MTA3: variants seen among roughly 807,000 people sequenced by gnomAD.
The protein encoded by MTA3 is metastasis associated 1 family member 3.
MTA3 carries 34 observed loss-of-function variants against 83.5 expected under a neutral mutation model. The observed-to-expected ratio is 0.41, with a 90% CI of 0.31 to 0.54. The LOEUF is 0.54. Ranked by LOEUF, MTA3 falls within the 20% of genes least tolerant of loss-of-function variation. MTA3 has a pLI of 0.33. For missense variants in MTA3, 761 were observed against 726.4 expected, an observed-to-expected ratio of 1.05 and a Z score of -0.55; for synonymous variants, 303 against 252.7, an observed-to-expected ratio of 1.20 and a Z score of -1.89.
intron 2 of MTA3, among the ~76,000 whole-genome samples, chr2:42,522,222 C>T (rs1487924182): frequency 6.6e-6 from 1 of 152,094 alleles, no homozygotes; most frequent in Non-Finnish European, 1.5e-5. Context: ...AACCACCCTC[C>T]GTCCCTGACT....
chr2:42,709,128 G>A (rs1372521481), intron 14 of MTA3, 32 bp downstream of exon 14: 1 of 1,550,326 alleles, frequency 6.5e-7, no homozygotes, highest in African/African-American at 1.4e-5. Flanking sequence ...AACCTTATAT[G>A]TTGTGCTTCT....
chr2:42,754,110 G>GC lies in MTA3; in HGVS notation c.*714dup. ...GTGGTTGGAGAGAAACTGGTGTTCT[G>GC]CCCGGCTCTGCTTGGTCACAGACAG... On this transcript the variant is annotated 3_prime_UTR_variant, in exon 17 of 17. Transcript: ENST00000405094. 1 of 985,432 alleles carries GC rather than the reference G, an allele frequency of 1.0e-6. No individual in the cohort carries two copies. Among genetic ancestry groups the GC allele is most frequent in the Non-Finnish European group, 1.2e-6 (1 of 829,970 alleles). The allele number at this position is 985,432 out of a possible 1,614,324, so 61.0% of individuals were successfully genotyped here.
At chr2:42,587,474 A>AT (rs1251147878) in intron 3 of MTA3, among the ~76,000 whole-genome samples, 1 of 152,216 alleles carries the variant, frequency 6.6e-6, no homozygotes, top group Non-Finnish European at 1.5e-5. Context: ...ATTCTTGTGT[A>AT]TGAAATAAAA....
intron 8 of MTA3, among the ~76,000 whole-genome samples, chr2:42,670,000 C>T (rs908677967): frequency 6.6e-6 from 1 of 152,198 alleles, no homozygotes; most frequent in African/African-American, 2.4e-5. Flanking sequence ...CATGGTGGCT[C>T]ATGCCTGTAA....
chr2:42,555,057 G>A (rs1181976710), intron 2 of MTA3, among the ~76,000 whole-genome samples: 1 of 152,140 alleles, frequency 6.6e-6, no homozygotes, highest in Non-Finnish European at 1.5e-5. Context: ...GTAGGCTGAG[G>A]CAGGAGAGTC....
chr2:42,516,982 C>T lies in MTA3; in HGVS notation c.-141+21728C>T, dbSNP rs568200189. Reference sequence around the variant, plus strand: ...TCTATAAAAAATAAAAAATTTGGCCCGGTGTGGTGGCTCACGCCTGTAAAC... The same window carrying T: ...TCTATAAAAAATAAAAAATTTGGCCTGGTGTGGTGGCTCACGCCTGTAAAC... On this transcript the variant is annotated intron_variant, in intron 2 of 17. Transcript: ENST00000405592. Among the ~76,000 whole-genome samples the T allele has an allele frequency of 8.8e-4, 133 of 151,852 alleles. 2 individuals carry two copies. The highest frequency in any genetic ancestry group is 3.0e-3 in the African/African-American group (126 of 41,484).
rs1411758714 is a variant in MTA3, at chr2:42,753,834, T to TG, written c.*437dup. The TG allele has an allele frequency of 1.0e-6, 1 of 993,066 alleles. No individual in the cohort carries two copies. Among genetic ancestry groups the TG allele is most frequent in the Non-Finnish European group, 1.2e-6 (1 of 835,136 alleles). 61.5% of individuals were successfully genotyped at this position (993,066 alleles called of 1,614,324 possible). A position where few individuals can be genotyped will look rare whatever the true frequency, so the allele number is the denominator to read the frequency against. ...TTACTAAATATGTACAGGAGGGCCA[T>TG]GGCATCTTTCTGAATGGATTTTTCT... is the stretch of plus-strand genomic sequence containing the variant. On this transcript the variant is annotated 3_prime_UTR_variant, in exon 17 of 17. Coordinates refer to ENST00000405094, the MANE Select transcript of MTA3 (RefSeq NM_001330442.2).
intron 2 of MTA3, among the ~76,000 whole-genome samples, chr2:42,546,750 T>C (rs910544045): frequency 2.0e-5 from 3 of 152,194 alleles, no homozygotes; most frequent in Non-Finnish European, 4.4e-5. Context: ...GTTGCAAGAC[T>C]GCACCCAGCA....
At chr2:42,644,395 A>G in intron 6 of MTA3, 151 bp downstream of exon 6, 1 of 529,046 alleles carries the variant, frequency 1.9e-6, no homozygotes, top group Non-Finnish European at 3.3e-6. Context: ...AAAATAAAAA[A>G]TAAATAAATA....
intron 3 of MTA3, among the ~76,000 whole-genome samples, chr2:42,585,754 A>G (rs1436787756): frequency 1.3e-5 from 2 of 152,012 alleles, no homozygotes; most frequent in Non-Finnish European, 2.9e-5. Flanking sequence ...GATTAGAGGC[A>G]TGAGCCACTT....
chr2:42,689,254 G>GAAATTTATCT (rs1692665521), intron 9 of MTA3, among the ~76,000 whole-genome samples: 2 of 152,132 alleles, frequency 1.3e-5, no homozygotes. Flanking sequence ...AAGGATGTTT[G>GAAATTTATCT]CATCTGTGTT....
chr2:42,587,926 A>G (rs6732008), intron 3 of MTA3, among the ~76,000 whole-genome samples: 113,180 of 152,046 alleles, frequency 0.74, 42,396 homozygotes, highest in South Asian at 0.88. Context: ...TGCAAATTAT[A>G]TTAATTATCT....
At chr2:42,708,197 T>A in intron 13 of MTA3, 143 bp downstream of exon 13, 1 of 856,332 alleles carries the variant, frequency 1.2e-6, no homozygotes, top group Non-Finnish European at 1.7e-6. Flanking sequence ...ATATTCAGGG[T>A]AGGTGTGGAG....
chr2:42,515,028 GTTTAT>G (rs1277578639), intron 2 of MTA3, among the ~76,000 whole-genome samples: 3 of 151,476 alleles, frequency 2.0e-5, no homozygotes, highest in South Asian at 2.1e-4. Flanking sequence ...GTATGCCTGT[GTTTAT>G]TTTATTTTAT....
chr2:42,621,892 A>C (rs1685589267), intron 4 of MTA3, among the ~76,000 whole-genome samples: 1 of 147,378 alleles, frequency 6.8e-6, no homozygotes, highest in South Asian at 2.1e-4. Flanking sequence ...CACTTCCTAG[A>C]CGGGAAGAGG....
At chr2:42,631,171 C>T (rs1464443198) in intron 4 of MTA3, among the ~76,000 whole-genome samples, 1 of 152,076 alleles carries the variant, frequency 6.6e-6, no homozygotes, top group Non-Finnish European at 1.5e-5. Flanking sequence ...CTGTTGATAC[C>T]TATAAGTAGT....
intron 5 of MTA3, among the ~76,000 whole-genome samples, chr2:42,640,721 T>G (rs952842795): frequency 3.3e-5 from 5 of 152,216 alleles, no homozygotes. Context: ...CAAGTTGAGA[T>G]AGAGCATACG....
At chr2:42,511,122 T>G (rs1246527458) in intron 2 of MTA3, among the ~76,000 whole-genome samples, 1 of 152,216 alleles carries the variant, frequency 6.6e-6, no homozygotes, top group Non-Finnish European at 1.5e-5. Flanking sequence ...GAGGAAAGAC[T>G]GGGACTGGGT....
chr2:42,669,606 A>G (rs1391998530), intron 8 of MTA3, among the ~76,000 whole-genome samples: 1 of 152,192 alleles, frequency 6.6e-6, no homozygotes, highest in Non-Finnish European at 1.5e-5. Flanking sequence ...TCTTCCTGCT[A>G]AATACATCAT....
Sources: gnomAD v4.1 joint callset for allele counts (sites outside exome capture counted in the v4.1 genomes callset) on GRCh38, gnomAD v4.1.1 for gene constraint, MANE v1.5 for transcripts, NCBI Gene and HGNC (gene_info 2026-07-23, HGNC 2026-07-21) for gene names.